OPCML: variants seen among roughly 807,000 people sequenced by gnomAD.
OPCML encodes opioid binding protein/cell adhesion molecule like.
Under a neutral mutation model 37.8 loss-of-function variants are expected in OPCML, and 13 were observed. The ratio of observed to expected loss-of-function variants is 0.34; its 90% CI spans 0.22 to 0.55. The LOEUF (loss-of-function observed/expected upper bound fraction) is 0.55. Ranked by LOEUF, OPCML falls within the 20% of genes least tolerant of loss-of-function variation. OPCML has a pLI of 0.91. For missense variants in OPCML, 341 were observed against 435.6 expected (o/e 0.78, Z 1.93); for synonymous variants, 176 against 168.8 (o/e 1.04, Z -0.33).
At chr11:132,500,299 GA>G (rs2137118454) in intron 4 of OPCML, among the ~76,000 whole-genome samples, 1 of 152,292 alleles carries the variant, frequency 6.6e-6, no homozygotes, top group Admixed American at 6.5e-5. Flanking sequence ...CATCCAATTT[GA>G]TAGGTCTGGG....
At chr11:133,172,417 T>C (rs1950300374) in intron 1 of OPCML, among the ~76,000 whole-genome samples, 1 of 152,140 alleles carries the variant, frequency 6.6e-6, no homozygotes, top group Non-Finnish European at 1.5e-5. Flanking sequence ...ACCTGAGACC[T>C]GAAGGATGCA....
At chr11:133,274,888 G>T (rs1185534900) in intron 1 of OPCML, among the ~76,000 whole-genome samples, 5 of 152,184 alleles carry the variant, frequency 3.3e-5, no homozygotes, top group African/African-American at 1.2e-4. Context: ...CAGCTGGAAA[G>T]CTCGAGACCT....
At chr11:132,578,398 G>A (rs994799437) in intron 3 of OPCML, among the ~76,000 whole-genome samples, 2 of 152,180 alleles carry the variant, frequency 1.3e-5, no homozygotes, top group African/African-American at 2.4e-5. Context: ...GAAGTAGGAT[G>A]TTCTACATCC....
At chr11:133,007,419 T>G (rs1362014301) in intron 1 of OPCML, 1 of 985,330 alleles carries the variant, frequency 1.0e-6, no homozygotes, top group East Asian at 1.1e-4. Context: ...AGTCAAAGAA[T>G]GCTGTTACCA....
At chr11:132,902,048 CT>C (rs879422584) in intron 2 of OPCML, among the ~76,000 whole-genome samples, 3 of 152,110 alleles carry the variant, frequency 2.0e-5, no homozygotes, top group Non-Finnish European at 4.4e-5. Context: ...GTATGTATGG[CT>C]TATGTAAATG....
chr11:133,391,613 T>A (rs779812235), intron 1 of OPCML, among the ~76,000 whole-genome samples: 44 of 152,182 alleles, frequency 2.9e-4, no homozygotes, highest in Non-Finnish European at 5.3e-4. Context: ...GCATGCACTT[T>A]GTTGAAAGAA....
intron 2 of OPCML, among the ~76,000 whole-genome samples, chr11:132,921,115 C>G (rs1565965332): frequency 6.6e-6 from 1 of 152,162 alleles, no homozygotes; most frequent in Non-Finnish European, 1.5e-5. Context: ...CCTGATAGTA[C>G]TGTGTGAGGT....
At chr11:133,388,424 AG>A (rs748044088) in intron 1 of OPCML, among the ~76,000 whole-genome samples, 43 of 152,170 alleles carry the variant, frequency 2.8e-4, no homozygotes, top group Non-Finnish European at 4.6e-4. Context: ...CAGGGGAAGG[AG>A]GGCCTATGGC....
intron 1 of OPCML, among the ~76,000 whole-genome samples, chr11:133,305,398 T>A (rs551422282): frequency 6.6e-6 from 1 of 152,316 alleles, no homozygotes; most frequent in East Asian, 1.9e-4. Context: ...TGTGGGAGGT[T>A]AAAGAGCCTT....
rs1174698253 is a variant in OPCML, at chr11:133,212,610, C to A, written c.62-269600G>T. Among the ~76,000 whole-genome samples the A allele has an allele frequency of 3.9e-5, 6 of 152,226 alleles. No homozygotes were observed. The highest frequency in any genetic ancestry group is 3.3e-4 in the Admixed American group (5 of 15,292). ...TTTTACTTTCTCACTTGTCCAAAGC[C>A]CTTGTCATCTTCTAACAGCCTCTGT... is the stretch of plus-strand genomic sequence containing the variant. On this transcript the variant is annotated intron_variant, in intron 1 of 7. Transcript: ENST00000524381. The surrounding 1 kb of genome is among the most constrained non-coding windows in gnomAD (Gnocchi z 4.9).
intron 4 of OPCML, among the ~76,000 whole-genome samples, chr11:132,446,106 T>TC: frequency 1.5e-5 from 2 of 137,610 alleles, no homozygotes; most frequent in African/African-American, 5.6e-5. Flanking sequence ...CTTGTGTCTT[T>TC]TTTTTTTTTT....
intron 4 of OPCML, among the ~76,000 whole-genome samples, chr11:132,473,340 CTACT>C (rs1260028064): frequency 1.3e-5 from 2 of 152,246 alleles, no homozygotes; most frequent in African/African-American, 4.8e-5. Context: ...CTTCTGGATG[CTACT>C]CCCTTATGGG....
chr11:133,351,947 T>G (rs554569686), intron 1 of OPCML, among the ~76,000 whole-genome samples: 31 of 152,190 alleles, frequency 2.0e-4, no homozygotes, highest in Non-Finnish European at 3.5e-4. Flanking sequence ...TATCTTATAT[T>G]CAATCCAAAG....
intron 3 of OPCML, among the ~76,000 whole-genome samples, chr11:132,553,567 C>T (rs1264778776): frequency 6.6e-6 from 1 of 152,080 alleles, no homozygotes; most frequent in Middle Eastern, 3.2e-3. Flanking sequence ...ATTAATTTCT[C>T]TTTAAAATAG....
chr11:132,786,176 C>T, intron 2 of OPCML, among the ~76,000 whole-genome samples: 1 of 152,106 alleles, frequency 6.6e-6, no homozygotes, highest in East Asian at 1.9e-4. Context: ...AAAGCTTTCA[C>T]TATGTGGTTA....
intron 3 of OPCML, among the ~76,000 whole-genome samples, chr11:132,603,470 T>G (rs1328342769): frequency 6.6e-6 from 1 of 152,216 alleles, no homozygotes; most frequent in East Asian, 1.9e-4. Context: ...ATTCTGTATC[T>G]CTACCATCAC....
chr11:133,484,795 GA>G (rs1350572893), intron 1 of OPCML, among the ~76,000 whole-genome samples: 1 of 151,900 alleles, frequency 6.6e-6, no homozygotes, highest in Non-Finnish European at 1.5e-5. Context: ...ATTTATCAAT[GA>G]TAAGTTGTTA....
chr11:132,989,304 C>T (rs771342371), intron 1 of OPCML, among the ~76,000 whole-genome samples: 31 of 152,026 alleles, frequency 2.0e-4, no homozygotes, highest in Non-Finnish European at 3.2e-4. Context: ...ATTCCACCAA[C>T]GCAAATGAAC....
chr11:132,781,021 G>C (rs1427659358), intron 2 of OPCML, among the ~76,000 whole-genome samples: 1 of 152,072 alleles, frequency 6.6e-6, no homozygotes, highest in African/African-American at 2.4e-5. Flanking sequence ...TTTCCATAAA[G>C]GATTTGAGGC....
Sources: gnomAD v4.1 joint callset for allele counts (sites outside exome capture counted in the v4.1 genomes callset) on GRCh38, gnomAD v4.1.1 for gene constraint, Gnocchi (gnomAD v3.1) non-coding constraint, MANE v1.5 for transcripts, NCBI Gene and HGNC (gene_info 2026-07-23, HGNC 2026-07-21) for gene names.